The following TMEM229B variants were observed in gnomAD, a reference collection of about 807,000 sequenced individuals.
TMEM229B encodes chromosome 14 open reading frame 83.
Under a neutral mutation model 13.7 loss-of-function variants are expected in TMEM229B, and 6 were observed. That is an observed-to-expected ratio of 0.44 (90% CI 0.24 to 0.86). The LOEUF is 0.86. Among genes scored for constraint, TMEM229B ranks in the 40% least tolerant of loss-of-function variants. The pLI, the probability that TMEM229B is intolerant of heterozygous loss-of-function variation, is 0.23. For missense variants in TMEM229B, 170 were observed against 236.0 expected, an observed-to-expected ratio of 0.72 and a Z score of 1.83; for synonymous variants, 107 against 102.1, an observed-to-expected ratio of 1.05 and a Z score of -0.29.
At chr14:67,529,632 T>A (rs1378400491) in intron 1 of TMEM229B, among the ~76,000 whole-genome samples, 1 of 152,178 alleles carries the variant, frequency 6.6e-6, no homozygotes. Context: ...CTTCTCTGCA[T>A]GTCCAATCAC....
At chr14:67,523,950 G>GAGCATTTCCAGTGACACAAAA (rs1190992934) in intron 1 of TMEM229B, among the ~76,000 whole-genome samples, 3 of 152,158 alleles carry the variant, frequency 2.0e-5, no homozygotes, top group African/African-American at 4.8e-5. Flanking sequence ...GTGACACAAA[G>GAGCATTTCCAGTGACACAAAA]AGGGTTTCCA....
At chr14:67,502,997 C>A (rs555846519) in intron 1 of TMEM229B, among the ~76,000 whole-genome samples, 1 of 152,110 alleles carries the variant, frequency 6.6e-6, no homozygotes, top group Non-Finnish European at 1.5e-5. Context: ...CATCCGGACA[C>A]ACACTTTAAA....
intron 1 of TMEM229B, among the ~76,000 whole-genome samples, chr14:67,523,338 A>G (rs1392340503): frequency 1.3e-5 from 2 of 150,836 alleles, no homozygotes; most frequent in African/African-American, 2.4e-5. Flanking sequence ...AAAAAAAAAG[A>G]AAAGAAAAAA....
At chr14:67,491,287 C>G (rs977996946), upstream of TMEM229B, among the ~76,000 whole-genome samples, 3 of 152,168 alleles carry the variant, frequency 2.0e-5, no homozygotes, top group Non-Finnish European at 4.4e-5. Flanking sequence ...GTTCAGCCAC[C>G]CAGAAACCTA....
intron 1 of TMEM229B, among the ~76,000 whole-genome samples, chr14:67,522,420 G>C (rs895541450): frequency 6.6e-6 from 1 of 152,186 alleles, no homozygotes; most frequent in Admixed American, 6.5e-5. Flanking sequence ...GTCGTCTGAG[G>C]GGGGACAAAG....
rs955419410 is a variant in TMEM229B, at chr14:67,471,818, C to T, written c.*1602G>A. 2 of 152,388 alleles carry T rather than the reference C, an allele frequency of 1.3e-5. No individual in the cohort carries two copies. The highest frequency in any genetic ancestry group is 2.4e-5 in the African/African-American group (1 of 41,458). The allele number at this position is 152,388 out of a possible 1,614,324, so 9.4% of individuals were successfully genotyped here. A position where few individuals can be genotyped will look rare whatever the true frequency, so the allele number is the denominator to read the frequency against. On this transcript the variant is annotated 3_prime_UTR_variant, in exon 3 of 3. Coordinates refer to ENST00000554480, the MANE Select transcript of TMEM229B (RefSeq NM_001348543.2). ...CAGCCAGCAGGGAAGAGGACATTCT[C>T]TCCACAGGTGATACCGTCACTTTGT...
chr14:67,501,997 G>A (rs956414072), intron 1 of TMEM229B, among the ~76,000 whole-genome samples: 10 of 152,152 alleles, frequency 6.6e-5, no homozygotes, highest in African/African-American at 2.4e-4. Context: ...TGCAGATAAA[G>A]GACTGTGGGC....
intron 1 of TMEM229B, among the ~76,000 whole-genome samples, chr14:67,497,381 G>A (rs7160601): frequency 0.14 from 21,229 of 151,970 alleles, 1,660 homozygotes; most frequent in East Asian, 0.22. Flanking sequence ...GGCCGAGAAC[G>A]CAGGTATCCC....
chr14:67,483,897 C>T (rs559776807), intron 2 of TMEM229B, among the ~76,000 whole-genome samples: 11 of 152,296 alleles, frequency 7.2e-5, no homozygotes, highest in African/African-American at 1.9e-4. Context: ...CCAAGCAAAC[C>T]GCAGCAGGAG....
At chr14:67,504,356 A>G (rs1375585398) in intron 1 of TMEM229B, among the ~76,000 whole-genome samples, 1 of 152,226 alleles carries the variant, frequency 6.6e-6, no homozygotes, top group Non-Finnish European at 1.5e-5. Flanking sequence ...TACGTTCCTC[A>G]TGAGGATTAA....
intron 1 of TMEM229B, among the ~76,000 whole-genome samples, chr14:67,508,739 G>A (rs1594712731): frequency 3.1e-5 from 1 of 31,804 alleles, no homozygotes; most frequent in African/African-American, 6.5e-5. Flanking sequence ...GGGTGACAGA[G>A]CAAAACCTTG....
chr14:67,493,281 C>T (rs1402632989), upstream of TMEM229B, among the ~76,000 whole-genome samples: 1 of 152,222 alleles, frequency 6.6e-6, no homozygotes, highest in Non-Finnish European at 1.5e-5. Flanking sequence ...TGCACCCAAA[C>T]ACGCCCAAGC....
At chr14:67,519,172 G>A (rs1020943718), upstream of TMEM229B, among the ~76,000 whole-genome samples, 1 of 152,150 alleles carries the variant, frequency 6.6e-6, no homozygotes, top group Admixed American at 6.5e-5. Context: ...AAGGAAAGGG[G>A]CATAAAGAGG....
intron 1 of TMEM229B, among the ~76,000 whole-genome samples, chr14:67,502,113 A>T (rs983305592): frequency 6.6e-6 from 1 of 152,164 alleles, no homozygotes; most frequent in African/African-American, 2.4e-5. Context: ...TGGGTGGATC[A>T]CCTGAGGTCG....
chr14:67,502,111 T>C (rs2032632066), intron 1 of TMEM229B, among the ~76,000 whole-genome samples: 1 of 152,234 alleles, frequency 6.6e-6, no homozygotes, highest in Non-Finnish European at 1.5e-5. Context: ...GGTGGGTGGA[T>C]CACCTGAGGT....
At chr14:67,483,892 C>A (rs552556802) in intron 2 of TMEM229B, among the ~76,000 whole-genome samples, 116 of 152,346 alleles carry the variant, frequency 7.6e-4, no homozygotes, top group African/African-American at 2.6e-3. Context: ...AGATCCCAAG[C>A]AAACCGCAGC....
At chr14:67,487,949 A>G (rs1433472284) in intron 1 of TMEM229B, among the ~76,000 whole-genome samples, 1 of 152,200 alleles carries the variant, frequency 6.6e-6, no homozygotes, top group East Asian at 1.9e-4. Context: ...TGTTTTTACT[A>G]CTATCCCTAA....
rs146545276 is a variant in TMEM229B at position 67,480,684 on chromosome 14, C to T, written c.-19+6316G>A. 9.7e-4 allele frequency among the ~76,000 whole-genome samples: 148 copies of T among 152,306 alleles called. 2 individuals are homozygous for T. The highest frequency in any genetic ancestry group is 3.5e-3 in the African/African-American group (145 of 41,568). ...CACGTATCCCCCTGGCTCTTCCAACCCCCAGGGCCCGGGCTGAGGGAACAG... is the reference window on the plus strand; with the variant it reads ...CACGTATCCCCCTGGCTCTTCCAACTCCCAGGGCCCGGGCTGAGGGAACAG... On this transcript the variant is annotated intron_variant, in intron 2 of 2. Coordinates refer to ENST00000554480, the MANE Select transcript of TMEM229B (RefSeq NM_001348543.2).
chr14:67,511,783 G>A (rs1293032085), intron 1 of TMEM229B, among the ~76,000 whole-genome samples: 1 of 152,178 alleles, frequency 6.6e-6, no homozygotes, highest in African/African-American at 2.4e-5. Flanking sequence ...TGAGCATGAA[G>A]TATAGCCTCA....
Sources: gnomAD v4.1 joint callset for allele counts (sites outside exome capture counted in the v4.1 genomes callset) on GRCh38, gnomAD v4.1.1 for gene constraint, MANE v1.5 for transcripts, NCBI Gene and HGNC (gene_info 2026-07-23, HGNC 2026-07-21) for gene names.